SAMD11: variants seen among roughly 807,000 people sequenced by gnomAD.
The protein encoded by SAMD11 is sterile alpha motif domain-containing protein 11.
Under a neutral mutation model 64.4 loss-of-function variants are expected in SAMD11, and 77 were observed. The ratio of observed to expected loss-of-function variants is 1.20; its 90% CI spans 0.99 to 1.44. The LOEUF (loss-of-function observed/expected upper bound fraction) is 1.44, where lower values mean the gene tolerates loss of function less well. Ranked by LOEUF, SAMD11 falls within the 40% of genes most tolerant of loss-of-function variation. The pLI, the probability that SAMD11 is intolerant of heterozygous loss-of-function variation, is 0.00. For synonymous variants in SAMD11, 658 were observed against 421.9 expected (o/e 1.56, Z -6.86); for missense variants, 1,402 against 943.3 (o/e 1.49, Z -6.37).
intron 4 of SAMD11, among the ~76,000 whole-genome samples, chr1:933,018 C>G (rs543853153): frequency 6.6e-6 from 1 of 152,270 alleles, no homozygotes; most frequent in South Asian, 2.1e-4. Flanking sequence ...TGGCCTCCCC[C>G]TCCCCCTCTC....
In SAMD11 at chr1:941,104, C is replaced by T. The variant is rs118109273; in HGVS notation, c.1196-40C>T. 5,699 of 1,538,984 alleles carry T rather than the reference C, an allele frequency of 3.7e-3. 209 individuals carry two copies. The Admixed American group carries it at 0.078, about 21-fold the overall frequency. ...GGACGCGGGCTGGGGAGGATGAGGG[C>T]GCATAGCCGGGGGGATCACTGCTGT... On this transcript the variant is annotated intron_variant, in intron 7 of 13. Transcript: ENST00000616016.
intron 8 of SAMD11, 108 bp downstream of exon 8, chr1:941,414 C>T (rs1641759892): frequency 6.8e-6 from 8 of 1,171,470 alleles, no homozygotes; most frequent in South Asian, 6.4e-5. Context: ...GTGTTCAGCT[C>T]TAGGTTCGGG....
At chr1:937,727 G>A (rs573062584) in intron 5 of SAMD11, among the ~76,000 whole-genome samples, 5 of 152,288 alleles carry the variant, frequency 3.3e-5, no homozygotes, top group African/African-American at 7.2e-5. Context: ...CCAGCCACCC[G>A]ATCTGTCACC....
intron 13 of SAMD11, 44 bp downstream of exon 13, chr1:943,852 G>A: frequency 2.5e-6 from 4 of 1,612,984 alleles, no homozygotes; most frequent in East Asian, 2.2e-5. Flanking sequence ...GACCACAGCT[G>A]GGCAGAAAGC....
intron 8 of SAMD11, among the ~76,000 whole-genome samples, chr1:941,622 G>A (rs956949460): frequency 2.0e-5 from 3 of 152,046 alleles, no homozygotes; most frequent in Non-Finnish European, 4.4e-5. Flanking sequence ...GCGGAGGGGG[G>A]GTCCTGGCTG....
chr1:939,558 G>T (rs1249907569), intron 7 of SAMD11, 146 bp downstream of exon 7: 5 of 1,024,754 alleles, frequency 4.9e-6, no homozygotes, highest in Non-Finnish European at 5.5e-6. Context: ...CCAAGGCCAG[G>T]CTGGATGCAG....
At chr1:936,963 C>T (rs1641488659) in intron 5 of SAMD11, among the ~76,000 whole-genome samples, 1 of 152,194 alleles carries the variant, frequency 6.6e-6, no homozygotes, top group South Asian at 2.1e-4. Context: ...GCCGGCATGT[C>T]TGTGTCTGGG....
In SAMD11 at chr1:944,491, G is replaced by A; in HGVS notation, c.*338G>A. ...TGACTTCAGCAGCCCACAGCTGTGG[G>A]GCTTCAGCAGCCACACCAGCCCAGC... is the stretch of plus-strand genomic sequence containing the variant. On this transcript the variant is annotated 3_prime_UTR_variant, in exon 14 of 14. Coordinates refer to ENST00000616016, the MANE Select transcript of SAMD11 (RefSeq NM_001385641.1). 1.5e-6 allele frequency: 1 copy of A among 663,740 alleles called. No individual in the cohort carries two copies. The highest frequency in any genetic ancestry group is 4.2e-4 in the Middle Eastern group (1 of 2,382). The allele number at this position is 663,740 out of a possible 1,614,324, so 41.1% of individuals were successfully genotyped here.
At position 930,319 on chromosome 1, in the gene SAMD11, C is replaced by T. The variant is rs1169484721; in HGVS notation, c.774C>T (p.Ile258=). ...PGLKQEDGPH[I]RIMKRRVHTH... The stretch of plus-strand genomic sequence containing the variant: ...TGAAGCAGGAGGATGGTCCGCACAT[C>T]CGTATCATGAAGAGAAGGTACTTGG... Residue 258 remains isoleucine, a synonymous_variant, in exon 3 of 14, where the codon ATC becomes ATT. Transcript: ENST00000616016. The T allele has an allele frequency of 2.5e-6, 4 of 1,605,650 alleles. No homozygotes were observed. The highest frequency in any genetic ancestry group is 3.4e-6 in the Non-Finnish European group (4 of 1,176,536).
At position 930,014 on chromosome 1, in the gene SAMD11, C is replaced by T. The variant is rs377418023; in HGVS notation, c.610-141C>T. The T allele has an allele frequency of 3.6e-4, 365 of 1,003,118 alleles. 1 individual carries two copies. The African/African-American group carries it at 4.7e-3, about 13-fold the overall frequency. 62.1% of individuals were successfully genotyped at this position (1,003,118 alleles called of 1,614,324 possible). On this transcript the variant is annotated intron_variant, in intron 2 of 13. Coordinates refer to ENST00000616016, the MANE Select transcript of SAMD11 (RefSeq NM_001385641.1). ...ATGGCTGCTCTGAGGGCACCTCTGC[C>T]GTGCTTGGGGCTCGGCCTGGGGTGC... is the stretch of plus-strand genomic sequence containing the variant.
Position 942,765 on chromosome 1 carries a change from C to T in SAMD11, c.1760C>T (p.Ser587Phe), listed in dbSNP as rs761622868. ...GPPGSGPPTP[S>F]RDSARRAPRK... ...CCGGGCTCCGGACCCCCCACCCCGT[C>T]CCGGGACTCTGCCCGGCGAGCCCCC... Residue 587 changes from serine to phenylalanine, a missense_variant, in exon 11 of 14, where the codon TCC (serine) becomes TTC (phenylalanine). Physicochemically the swap from Ser to Phe is radical, Grantham distance 155. Coordinates refer to ENST00000616016, the MANE Select transcript of SAMD11 (RefSeq NM_001385641.1). The T allele has an allele frequency of 1.3e-6, 2 of 1,531,766 alleles. No homozygotes were observed. Among genetic ancestry groups the T allele is most frequent in the Non-Finnish European group, 1.8e-6 (2 of 1,141,664 alleles). 94.9% of individuals were successfully genotyped at this position (1,531,766 alleles called of 1,614,324 possible). A position where few individuals can be genotyped will look rare whatever the true frequency, so the allele number is the denominator to read the frequency against.
intron 12 of SAMD11, 82 bp downstream of exon 12, chr1:943,459 G>C: frequency 1.6e-6 from 2 of 1,263,330 alleles, no homozygotes; most frequent in Non-Finnish European, 2.2e-6. Flanking sequence ...GTGGGGTAGG[G>C]CCATTCCCCA....
At chr1:940,337 C>G (rs1296741709) in intron 7 of SAMD11, 1 of 141,548 alleles carries the variant, frequency 7.1e-6, no homozygotes, top group South Asian at 2.2e-4. Flanking sequence ...CCGTAAATAA[C>G]CCTGTAACTA....
Position 930,313 on chromosome 1 carries a change from G to C in SAMD11, c.768G>C (p.Pro256=). 1 of 1,606,058 alleles carries C rather than the reference G, an allele frequency of 6.2e-7. No homozygotes were observed. Among genetic ancestry groups the C allele is most frequent in the South Asian group, 1.1e-5 (1 of 89,424 alleles). Residue 256 remains proline (P), a synonymous_variant, in exon 3 of 14, where the codon CCG becomes CCC. Coordinates refer to ENST00000616016, the MANE Select transcript of SAMD11 (RefSeq NM_001385641.1). ...CAGGCTTGAAGCAGGAGGATGGTCCGCACATCCGTATCATGAAGAGAAGGT... is the reference window on the plus strand; with the variant it reads ...CAGGCTTGAAGCAGGAGGATGGTCCCCACATCCGTATCATGAAGAGAAGGT... The part of the protein sequence containing the change: ...RRPGLKQEDG[P]HIRIMKRRVH...
chr1:926,140 C>A, intron 2 of SAMD11, 127 bp downstream of exon 2: 1 of 898,314 alleles, frequency 1.1e-6, no homozygotes, highest in Non-Finnish European at 1.8e-6. Flanking sequence ...AGGGAGCCTC[C>A]GAAGGGCAGG....
Position 944,071 on chromosome 1 carries a change from C to A in SAMD11, c.2453C>A (p.Ala818Asp), listed in dbSNP as rs752077089. 1.9e-6 allele frequency: 3 copies of A among 1,612,622 alleles called. No individual in the cohort carries two copies. The highest frequency in any genetic ancestry group is 4.5e-5 in the East Asian group (2 of 44,842). Residue 818 changes from alanine (A) to aspartate (D), a missense_variant, in exon 14 of 14, where the codon GCC becomes GAC. Physicochemically the swap from Ala to Asp is moderately radical, Grantham distance 126. Transcript: ENST00000616016. Reference sequence around the variant, plus strand: ...CCCTATGGAGGGGGCCACGCCCTTGCCGGTCAAACTTCACCCAAGCAGGAG... The same window carrying A: ...CCCTATGGAGGGGGCCACGCCCTTGACGGTCAAACTTCACCCAAGCAGGAG... Reference protein sequence around the residue: ...TSPYGGGHALAGQTSPKQENG... With the variant: ...TSPYGGGHALDGQTSPKQENG...
At chr1:926,915 C>G (rs1371608082) in intron 2 of SAMD11, among the ~76,000 whole-genome samples, 1 of 152,100 alleles carries the variant, frequency 6.6e-6, no homozygotes, top group Non-Finnish European at 1.5e-5. Context: ...GCCTGAGGGT[C>G]CCGGGCGTAC....
At chr1:927,837 G>A (rs1640967115) in intron 2 of SAMD11, among the ~76,000 whole-genome samples, 1 of 152,258 alleles carries the variant, frequency 6.6e-6, no homozygotes, top group Admixed American at 6.5e-5. Context: ...GTGGGTGGCA[G>A]GGAAGCTGTC....
intron 4 of SAMD11, among the ~76,000 whole-genome samples, chr1:932,610 T>G (rs1475154140): frequency 8.6e-5 from 3 of 35,052 alleles, no homozygotes; most frequent in Non-Finnish European, 8.2e-4. Flanking sequence ...AGACCATGTC[T>G]GTGTTTCTTT....
Sources: gnomAD v4.1 joint callset for allele counts (sites outside exome capture counted in the v4.1 genomes callset) on GRCh38, gnomAD v4.1.1 for gene constraint, MANE v1.5 for transcripts, NCBI Gene and HGNC (gene_info 2026-07-23, HGNC 2026-07-21) for gene names.